ABCB1: variants seen among roughly 807,000 people sequenced by gnomAD.
The protein encoded by ABCB1 is ATP binding cassette subfamily B member 1, also known as ATP-dependent translocase ABCB1.
In ABCB1, 69 loss-of-function variants were observed where a neutral mutation model predicts 142.0. The observed-to-expected ratio is 0.49, with a 90% CI of 0.40 to 0.59. The LOEUF (loss-of-function observed/expected upper bound fraction) is 0.59. Among genes scored for constraint, ABCB1 ranks in the 20% least tolerant of loss-of-function variants. The pLI is 0.00. For synonymous variants in ABCB1, 532 were observed against 539.2 expected, an observed-to-expected ratio of 0.99 and a Z score of 0.18; for missense variants, 1,326 against 1,554.7, an observed-to-expected ratio of 0.85 and a Z score of 2.47.
chr7:87,651,070 T>G, intron 1 of ABCB1: 1 of 595,662 alleles, frequency 1.7e-6, no homozygotes, highest in Non-Finnish European at 2.9e-6. Flanking sequence ...TCTTTTGGCC[T>G]GTGTGACTAC....
upstream of ABCB1, among the ~76,000 whole-genome samples, chr7:87,604,474 C>T (rs1029279656): frequency 2.6e-5 from 4 of 151,658 alleles, no homozygotes; most frequent in African/African-American, 9.8e-5. Context: ...GATCCACACA[C>T]TCTCCACCCT....
intron 18 of ABCB1, among the ~76,000 whole-genome samples, chr7:87,540,917 C>T (rs549458099): frequency 2.0e-5 from 3 of 152,230 alleles, no homozygotes; most frequent in East Asian, 3.9e-4. Context: ...AAAAGTTGAA[C>T]GATAAACTCT....
intron 1 of ABCB1, among the ~76,000 whole-genome samples, chr7:87,635,488 C>A (rs1196667267): frequency 1.3e-5 from 2 of 152,148 alleles, no homozygotes; most frequent in Non-Finnish European, 2.9e-5. Flanking sequence ...ACAACTTTAT[C>A]TTTTTCTCAT....
At chr7:87,660,674 A>G (rs1824609148) in intron 1 of ABCB1, among the ~76,000 whole-genome samples, 1 of 151,520 alleles carries the variant, frequency 6.6e-6, no homozygotes, top group South Asian at 2.1e-4. Flanking sequence ...CTTTGGCTCT[A>G]TTATGTTTAT....
At chr7:87,546,432 C>CA (rs1166748029) in intron 14 of ABCB1, among the ~76,000 whole-genome samples, 4 of 151,684 alleles carry the variant, frequency 2.6e-5, no homozygotes, top group African/African-American at 9.7e-5. Context: ...ACTAAAAATA[C>CA]AAAAAATTAG....
intron 21 of ABCB1, among the ~76,000 whole-genome samples, chr7:87,528,530 C>T (rs1815897999): frequency 6.6e-6 from 1 of 152,090 alleles, no homozygotes; most frequent in African/African-American, 2.4e-5. Context: ...AGTGGACCCA[C>T]TCAGTTCAAA....
At chr7:87,605,569 G>A (rs1224626082), upstream of ABCB1, among the ~76,000 whole-genome samples, 1 of 152,198 alleles carries the variant, frequency 6.6e-6, no homozygotes, top group Non-Finnish European at 1.5e-5. Flanking sequence ...ATTAAGAGGA[G>A]AGAAGACAAC....
chr7:87,562,084 G>A (rs1817582356), intron 7 of ABCB1, among the ~76,000 whole-genome samples: 1 of 151,990 alleles, frequency 6.6e-6, no homozygotes, highest in Non-Finnish European at 1.5e-5. Flanking sequence ...AGGCACTTGT[G>A]GACTCATTTA....
In ABCB1 at chr7:87,599,709, C is replaced by T. The variant is rs2888599; in HGVS notation, c.68+408G>A. On this transcript the variant is annotated intron_variant, in intron 2 of 27. Transcript: ENST00000622132. ...GTTCGATAGCAGACGAGGGTGACTA[C>T]AGTTAGCAATATATTGTATATTTCA... Among the ~76,000 whole-genome samples the T allele has an allele frequency of 0.03, 4,565 of 152,234 alleles. 64 individuals are homozygous for T. The highest frequency in any genetic ancestry group is 0.048 in the Middle Eastern group (14 of 294).
intron 1 of ABCB1, among the ~76,000 whole-genome samples, chr7:87,684,746 CAAAAAAAAAAA>C (rs71524694): frequency 5.6e-4 from 21 of 37,786 alleles, no homozygotes; most frequent in African/African-American, 2.8e-3. Flanking sequence ...GACTCCGTCT[CAAAAAAAAAAA>C]AAAAAAAAAA....
intron 3 of ABCB1, among the ~76,000 whole-genome samples, chr7:87,587,830 G>C (rs932502512): frequency 9.1e-5 from 13 of 142,232 alleles, no homozygotes; most frequent in African/African-American, 3.2e-4. Flanking sequence ...AGCCGAGATC[G>C]CACCACTGCA....
chr7:87,602,028 T>C (rs1434341938), upstream of ABCB1, among the ~76,000 whole-genome samples: 1 of 152,130 alleles, frequency 6.6e-6, no homozygotes, highest in East Asian at 1.9e-4. Context: ...GAGTCTTGCT[T>C]TGTCGCCCAG....
At chr7:87,681,729 T>TG (rs2130592325) in intron 1 of ABCB1, among the ~76,000 whole-genome samples, 1 of 138,202 alleles carries the variant, frequency 7.2e-6, no homozygotes, top group Admixed American at 7.3e-5. Context: ...AAGACAACAA[T>TG]GGGCTGGGCA....
intron 1 of ABCB1, among the ~76,000 whole-genome samples, chr7:87,694,357 C>T (rs1828301910): frequency 6.6e-6 from 1 of 152,062 alleles, no homozygotes; most frequent in Non-Finnish European, 1.5e-5. Context: ...TTCCTTTCTC[C>T]CAGGTAGAAT....
intron 1 of ABCB1, among the ~76,000 whole-genome samples, chr7:87,711,771 A>G (rs575501179): frequency 4.6e-5 from 7 of 152,276 alleles, no homozygotes; most frequent in Admixed American, 1.3e-4. Context: ...TGGTAACCCA[A>G]TTGGACAGAT....
intron 1 of ABCB1, among the ~76,000 whole-genome samples, chr7:87,675,500 C>T (rs952227288): frequency 6.6e-6 from 1 of 151,692 alleles, no homozygotes; most frequent in African/African-American, 2.4e-5. Flanking sequence ...AAAACAAAAA[C>T]AGATACATAG....
In ABCB1 at chr7:87,613,257, CTT is replaced by C. The variant is rs67823385; in HGVS notation, c.-330-12181_-330-12180del. On this transcript the variant is annotated intron_variant, in intron 1 of 28. Transcript: ENST00000265724. ...TTTCCAATTTGAATGTCCTTTATTTCTTTTTTTTTTTTTTTTTTTTTTTTGCC... is the reference window on the plus strand; with the variant it reads ...TTTCCAATTTGAATGTCCTTTATTTCTTTTTTTTTTTTTTTTTTTTTTGCC... Among the ~76,000 whole-genome samples the C allele has an allele frequency of 2.2e-3, 144 of 64,178 alleles. 1 individual carries two copies. Among genetic ancestry groups the C allele is most frequent in the South Asian group, 6.2e-3 (8 of 1,282 alleles). The allele number at this position is 64,178 out of a possible 152,430, so 42.1% of individuals were successfully genotyped here.
chr7:87,620,244 T>TC (rs1442689616), intron 1 of ABCB1, among the ~76,000 whole-genome samples: 5 of 152,034 alleles, frequency 3.3e-5, no homozygotes, highest in Admixed American at 3.3e-4. Flanking sequence ...CACTGCAACC[T>TC]CCACCTTGCG....
rs552900116 is a variant in ABCB1 at position 87,694,106 on chromosome 7, T to G, written c.-331+19055A>C. On this transcript the variant is annotated intron_variant, in intron 1 of 28. Transcript: ENST00000265724. ...TTCTTTTTTGTGTGTTTTTGTTTTT[T>G]TTTTTTAATCCAGAGAGCACAAGTA... The G allele has an allele frequency of 2.9e-5, 42 of 1,451,710 alleles. 1 individual carries two copies. The highest frequency in any genetic ancestry group is 2.4e-4 in the Middle Eastern group (1 of 4,096). The allele number at this position is 1,451,710 out of a possible 1,614,324, so 89.9% of individuals were successfully genotyped here. A position where few individuals can be genotyped will look rare whatever the true frequency, so the allele number is the denominator to read the frequency against.
Sources: allele counts gnomAD v4.1 joint callset (sites outside exome capture counted in the v4.1 genomes callset), GRCh38; gene constraint gnomAD v4.1.1; transcripts MANE v1.5; gene names NCBI Gene and HGNC (gene_info 2026-07-23, HGNC 2026-07-21).